Variants in PTPRG observed in about 807,000 individuals in gnomAD.
PTPRG encodes receptor-type tyrosine-protein phosphatase gamma.
PTPRG carries 102 observed loss-of-function variants against 165.3 expected under a neutral mutation model. The ratio of observed to expected loss-of-function variants is 0.62; its 90% confidence interval spans 0.53 to 0.73. PTPRG has a LOEUF of 0.73. Among genes scored for constraint, PTPRG ranks in the 30% least tolerant of loss-of-function variants. The pLI, the probability that PTPRG is intolerant of heterozygous loss-of-function variation, is 0.00. For missense variants in PTPRG, 1,866 were observed against 1,861.4 expected (o/e 1.00, Z -0.05); for synonymous variants, 675 against 669.5 (o/e 1.01, Z -0.13).
intron 1 of PTPRG, among the ~76,000 whole-genome samples, chr3:61,570,625 A>G (rs1700033559): frequency 1.3e-5 from 2 of 152,194 alleles, no homozygotes; most frequent in African/African-American, 4.8e-5. Context: ...CCTGCAGTGC[A>G]CTTAAATCAG....
At chr3:61,936,279 G>A (rs532316060) in intron 2 of PTPRG, among the ~76,000 whole-genome samples, 1 of 152,318 alleles carries the variant, frequency 6.6e-6, no homozygotes, top group East Asian at 1.9e-4. Context: ...CAATTACCCT[G>A]TGGGACAGGT....
At chr3:62,160,612 T>C (rs937327625) in intron 7 of PTPRG, among the ~76,000 whole-genome samples, 1 of 152,266 alleles carries the variant, frequency 6.6e-6, no homozygotes, top group East Asian at 1.9e-4. Context: ...TCATAGAAGA[T>C]GATTAGCTTT....
At chr3:61,966,826 A>G (rs2040284024) in intron 2 of PTPRG, among the ~76,000 whole-genome samples, 1 of 152,196 alleles carries the variant, frequency 6.6e-6, no homozygotes, top group Non-Finnish European at 1.5e-5. Flanking sequence ...CTGGCATAGC[A>G]AGCACTTTGT....
chr3:61,875,920 C>T lies in PTPRG; in HGVS notation c.191-113705C>T, dbSNP rs142983348. On this transcript the variant is annotated intron_variant, in intron 2 of 29. Transcript: ENST00000474889. ...CCAACTGGGCCTCACTGGTTTCCCA[C>T]TGGGGAAACCTTATAACTGAAATCT... Among the ~76,000 whole-genome samples, 826 of 152,262 alleles carry T rather than the reference C, an allele frequency of 5.4e-3. 13 individuals are homozygous for T. The highest frequency in any genetic ancestry group is 0.019 in the African/African-American group (782 of 41,548).
chr3:62,171,188 A>G (rs994526390), intron 8 of PTPRG, among the ~76,000 whole-genome samples: 1 of 152,132 alleles, frequency 6.6e-6, no homozygotes, highest in Non-Finnish European at 1.5e-5. Flanking sequence ...TATGTAGATT[A>G]TTTTCAAGTC....
At chr3:61,986,775 A>G (rs990927197) in intron 2 of PTPRG, among the ~76,000 whole-genome samples, 4 of 152,200 alleles carry the variant, frequency 2.6e-5, no homozygotes, top group African/African-American at 9.7e-5. Flanking sequence ...TCTAAGAAAG[A>G]GTCAGTAAGA....
chr3:62,090,021 C>T (rs996899953), intron 5 of PTPRG, among the ~76,000 whole-genome samples: 1 of 152,062 alleles, frequency 6.6e-6, no homozygotes, highest in Non-Finnish European at 1.5e-5. Flanking sequence ...TTTAATATAG[C>T]CCTTTGGTTA....
chr3:61,780,077 T>C (rs2034501018), intron 2 of PTPRG, among the ~76,000 whole-genome samples: 1 of 152,194 alleles, frequency 6.6e-6, no homozygotes, highest in African/African-American at 2.4e-5. Context: ...GAAAAGTTGA[T>C]GTAAGAAGTT....
intron 5 of PTPRG, among the ~76,000 whole-genome samples, chr3:62,089,963 C>G (rs1047288088): frequency 2.0e-5 from 3 of 152,114 alleles, no homozygotes; most frequent in African/African-American, 7.2e-5. Context: ...GTTGCTACCT[C>G]CATGTATCAA....
rs980562734 is a variant in PTPRG at position 61,749,225 on chromosome 3, T to C, written c.190+243T>C. 4 of 595,508 alleles carry C rather than the reference T, an allele frequency of 6.7e-6. No individual in the cohort carries two copies. In the African/African-American group the frequency reaches 7.4e-5, roughly 11 times the overall value. 36.9% of individuals were successfully genotyped at this position (595,508 alleles called of 1,614,324 possible). A position where few individuals can be genotyped will look rare whatever the true frequency, so the allele number is the denominator to read the frequency against. ...ATTTGCGTTTATTTCTGAACTTTAC[T>C]GTTAATGAGTTATTGTACCAAACTT... On this transcript the variant is annotated intron_variant, in intron 2 of 29. Coordinates refer to ENST00000474889, the MANE Select transcript of PTPRG (RefSeq NM_002841.4).
Position 61,986,089 on chromosome 3 carries a change from A to G in PTPRG, c.191-3536A>G, listed in dbSNP as rs1021406908. On this transcript the variant is annotated intron_variant, in intron 2 of 29. Transcript: ENST00000474889. ...AACTAAAATAAATATGACAATGATCATATTGAACAATCATATTTAATACGA... is the reference window on the plus strand; with the variant it reads ...AACTAAAATAAATATGACAATGATCGTATTGAACAATCATATTTAATACGA... Among the ~76,000 whole-genome samples, 3 of 150,676 alleles carry G rather than the reference A, an allele frequency of 2.0e-5. No individual in the cohort carries two copies. In the East Asian group the frequency reaches 5.8e-4, roughly 29 times the overall value.
chr3:61,934,897 G>C (rs2107592139), intron 2 of PTPRG, among the ~76,000 whole-genome samples: 1 of 152,308 alleles, frequency 6.6e-6, no homozygotes, highest in African/African-American at 2.4e-5. Context: ...GCTCAAATCA[G>C]TGGCTGGCAC....
Position 61,722,224 on chromosome 3 carries a change from C to CACAG in PTPRG, c.86-26651_86-26650insGACA, listed in dbSNP as rs1285844995. ...GCAAAGAGAGAGGGCAAAACAAATA[C>CACAG]ACACACACACACACACACACATGCA... On this transcript the variant is annotated intron_variant, in intron 1 of 29. Transcript: ENST00000474889. Among the ~76,000 whole-genome samples the CACAG allele has an allele frequency of 2.9e-3, 420 of 142,824 alleles. 3 individuals carry two copies. Among genetic ancestry groups the CACAG allele is most frequent in the African/African-American group, 9.8e-3 (375 of 38,188 alleles). 93.7% of individuals were successfully genotyped at this position (142,824 alleles called of 152,430 possible).
intron 5 of PTPRG, among the ~76,000 whole-genome samples, chr3:62,119,787 ATTTTTT>A (rs34842750): frequency 2.7e-5 from 3 of 111,720 alleles, no homozygotes; most frequent in East Asian, 2.6e-4. Flanking sequence ...CGCCTGGCTA[ATTTTTT>A]TTTTTTTTTT....
intron 1 of PTPRG, among the ~76,000 whole-genome samples, chr3:61,581,767 G>T (rs1452565582): frequency 6.6e-6 from 1 of 151,740 alleles, no homozygotes; most frequent in South Asian, 2.1e-4. Context: ...GCGCCACCAC[G>T]CCCAGCTAAT....
At chr3:61,577,271 A>G (rs1700191207) in intron 1 of PTPRG, among the ~76,000 whole-genome samples, 1 of 152,246 alleles carries the variant, frequency 6.6e-6, no homozygotes, top group Non-Finnish European at 1.5e-5. Context: ...TAACATACCA[A>G]GTACTCGGAT....
intron 14 of PTPRG, 185 bp from the exon 15 acceptor site, chr3:62,243,622 G>A (rs995135186): frequency 2.1e-6 from 1 of 468,640 alleles, no homozygotes; most frequent in South Asian, 3.9e-5. Context: ...TGGATATGCT[G>A]TAGCAATTTT....
chr3:61,828,861 G>A (rs2036187941), intron 2 of PTPRG, among the ~76,000 whole-genome samples: 1 of 152,128 alleles, frequency 6.6e-6, no homozygotes. Flanking sequence ...GTTTATTTGG[G>A]CCAATAACCT....
chr3:61,633,547 C>G (rs1005521080), intron 1 of PTPRG, among the ~76,000 whole-genome samples: 6 of 152,098 alleles, frequency 3.9e-5, no homozygotes, highest in African/African-American at 1.4e-4. Flanking sequence ...TATCCTTCAA[C>G]CTTGATGAAC....
Sources: allele counts gnomAD v4.1 joint callset (sites outside exome capture counted in the v4.1 genomes callset), GRCh38; gene constraint gnomAD v4.1.1; transcripts MANE v1.5; gene names NCBI Gene and HGNC (gene_info 2026-07-23, HGNC 2026-07-21).